Variants in ZBTB20 observed in about 807,000 individuals in gnomAD.
ZBTB20 encodes zinc finger and BTB domain-containing protein 20.
Under a neutral mutation model 56.9 loss-of-function variants are expected in ZBTB20, and 9 were observed. The observed-to-expected ratio is 0.16, with a 90% CI of 0.10 to 0.28. The LOEUF (loss-of-function observed/expected upper bound fraction) is 0.28, where lower values mean the gene tolerates loss of function less well. Among genes scored for constraint, ZBTB20 ranks in the 10% least tolerant of loss-of-function variants. The pLI is 1.00. For synonymous variants in ZBTB20, 417 were observed against 420.7 expected, an observed-to-expected ratio of 0.99 and a Z score of 0.11; for missense variants, 655 against 1,003.0, an observed-to-expected ratio of 0.65 and a Z score of 4.69.
At chr3:114,751,359 T>C (rs2067542587) in intron 5 of ZBTB20, among the ~76,000 whole-genome samples, 1 of 152,146 alleles carries the variant, frequency 6.6e-6, no homozygotes, top group African/African-American at 2.4e-5. Flanking sequence ...AAGTAACTTG[T>C]CCATGAGCAT....
At chr3:115,132,766 A>T (rs1185058503) in intron 1 of ZBTB20, among the ~76,000 whole-genome samples, 1 of 152,032 alleles carries the variant, frequency 6.6e-6, no homozygotes, top group Non-Finnish European at 1.5e-5. Flanking sequence ...TCCTGTCTCA[A>T]AATAAAAGAC....
At chr3:114,812,095 G>C (rs1560278454) in intron 4 of ZBTB20, among the ~76,000 whole-genome samples, 1 of 152,186 alleles carries the variant, frequency 6.6e-6, no homozygotes, top group Non-Finnish European at 1.5e-5. Flanking sequence ...CCCAAAGAGT[G>C]AGCAGTAGCA....
chr3:114,468,771 G>A (rs1374385237), intron 7 of ZBTB20, among the ~76,000 whole-genome samples: 1 of 151,978 alleles, frequency 6.6e-6, no homozygotes, highest in East Asian at 1.9e-4. Context: ...TACCACAAGC[G>A]AGGAAACTTA....
intron 3 of ZBTB20, among the ~76,000 whole-genome samples, chr3:114,940,841 C>A (rs564294595): frequency 4.1e-5 from 6 of 145,836 alleles, no homozygotes; most frequent in Non-Finnish European, 7.4e-5. Context: ...CTCTACTCAA[C>A]AATGAAAGAA....
At chr3:114,402,718 G>A (rs1339233343) in intron 7 of ZBTB20, among the ~76,000 whole-genome samples, 3 of 152,118 alleles carry the variant, frequency 2.0e-5, no homozygotes, top group African/African-American at 7.2e-5. Context: ...AAAGCTGGTG[G>A]ACTAAATGTT....
intron 4 of ZBTB20, among the ~76,000 whole-genome samples, chr3:114,858,072 C>T (rs941044868): frequency 1.3e-5 from 2 of 152,126 alleles, no homozygotes; most frequent in African/African-American, 2.4e-5. Flanking sequence ...CAAAGAAAGG[C>T]CATGTTGAAT....
chr3:115,057,831 T>C (rs1381047110), intron 2 of ZBTB20, among the ~76,000 whole-genome samples: 3 of 152,178 alleles, frequency 2.0e-5, no homozygotes, highest in Non-Finnish European at 2.9e-5. Context: ...TTTAAAGATG[T>C]CTATATTAGT....
Position 115,051,004 on chromosome 3 carries a change from A to G in ZBTB20, c.-507+20215T>C, listed in dbSNP as rs563852562. The stretch of plus-strand genomic sequence containing the variant: ...ATCTTCAATTTCAGGTATAAGCTTC[A>G]ATTCCTATACTCAGAAATTCCAAAA... On this transcript the variant is annotated intron_variant, in intron 2 of 11. Coordinates refer to ENST00000675478, the MANE Select transcript of ZBTB20 (RefSeq NM_001348800.3). Among the ~76,000 whole-genome samples, 12 of 152,232 alleles carry G rather than the reference A, an allele frequency of 7.9e-5. No individual in the cohort carries two copies. The South Asian group carries it at 2.5e-3, about 32-fold the overall frequency.
intron 7 of ZBTB20, among the ~76,000 whole-genome samples, chr3:114,496,594 T>C (rs2043306259): frequency 6.6e-6 from 1 of 152,134 alleles, no homozygotes; most frequent in Non-Finnish European, 1.5e-5. Context: ...ACATAGTACA[T>C]GAAACATAAG....
chr3:114,457,492 T>C (rs994728672), intron 7 of ZBTB20, among the ~76,000 whole-genome samples: 1 of 152,156 alleles, frequency 6.6e-6, no homozygotes, highest in Non-Finnish European at 1.5e-5. Flanking sequence ...CTAGAAAGGA[T>C]TGGCAGTAGA....
At chr3:114,812,651 C>T (rs914372490) in intron 4 of ZBTB20, among the ~76,000 whole-genome samples, 1 of 152,256 alleles carries the variant, frequency 6.6e-6, no homozygotes, top group African/African-American at 2.4e-5. Flanking sequence ...GATCCCGCAC[C>T]CGGGCTGCAG....
chr3:114,856,348 A>G (rs1306176673), intron 4 of ZBTB20, among the ~76,000 whole-genome samples: 2 of 152,178 alleles, frequency 1.3e-5, no homozygotes, highest in Non-Finnish European at 2.9e-5. Context: ...CAGAGTTGGC[A>G]TTGAACAGAT....
At chr3:114,346,683 ATT>A (rs34177643) in intron 11 of ZBTB20, among the ~76,000 whole-genome samples, 50,031 of 136,598 alleles carry the variant, frequency 0.37, 9,128 homozygotes, top group Middle Eastern at 0.46. Context: ...TCTCAAACAG[ATT>A]TTTTTTTTTT....
At chr3:114,974,530 G>T (rs1432855790) in intron 2 of ZBTB20, 114 bp from the exon 3 acceptor site, 3 of 152,070 alleles carry the variant, frequency 2.0e-5, no homozygotes, top group Non-Finnish European at 4.4e-5. Context: ...AATATCTATA[G>T]TTTTAAAAAG....
rs184751116 is a variant in ZBTB20, at chr3:114,711,529, T to A, written c.-342-17954A>T. Among the ~76,000 whole-genome samples the A allele has an allele frequency of 1.9e-4, 29 of 152,344 alleles. No homozygotes were observed. The East Asian group carries it at 5.0e-3, about 26-fold the overall frequency. On this transcript the variant is annotated intron_variant, in intron 5 of 11. Coordinates refer to ENST00000675478, the MANE Select transcript of ZBTB20 (RefSeq NM_001348800.3). ...AACCACCTACATGCAATAGCTCACA[T>A]GTCTTATAATAAACTTCTTGGGAGG... is the stretch of plus-strand genomic sequence containing the variant.
At chr3:114,710,060 T>C (rs2063963643) in intron 5 of ZBTB20, among the ~76,000 whole-genome samples, 1 of 152,162 alleles carries the variant, frequency 6.6e-6, no homozygotes. Context: ...TCTTCCCCTA[T>C]TTCTACTCTT....
chr3:114,384,900 C>G (rs10934270), intron 8 of ZBTB20, among the ~76,000 whole-genome samples: 1 of 152,024 alleles, frequency 6.6e-6, no homozygotes, highest in African/African-American at 2.4e-5. Flanking sequence ...ATATTTCACA[C>G]TCTTTTGCAC....
chr3:114,955,465 G>A (rs1027427561), intron 3 of ZBTB20, among the ~76,000 whole-genome samples: 2 of 152,144 alleles, frequency 1.3e-5, no homozygotes, highest in Admixed American at 1.3e-4. Context: ...CAGGTCTTCT[G>A]ATCTTGCTTT....
intron 8 of ZBTB20, among the ~76,000 whole-genome samples, chr3:114,381,846 G>A (rs2084385111): frequency 6.6e-6 from 1 of 152,188 alleles, no homozygotes; most frequent in South Asian, 2.1e-4. Context: ...TAGAATAGAG[G>A]TGAGGCTTTC....
Sources: gnomAD v4.1 joint callset for allele counts (sites outside exome capture counted in the v4.1 genomes callset) on GRCh38, gnomAD v4.1.1 for gene constraint, MANE v1.5 for transcripts, NCBI Gene and HGNC (gene_info 2026-07-23, HGNC 2026-07-21) for gene names.